The following TNFAIP8 variants were observed in gnomAD, a reference collection of about 807,000 sequenced individuals.
TNFAIP8 encodes the protein tumor necrosis factor alpha-induced protein 8.
TNFAIP8 carries 7 observed loss-of-function variants against 13.3 expected under a neutral mutation model. The observed-to-expected ratio is 0.52, with a 90% CI of 0.30 to 0.99. TNFAIP8 has a LOEUF of 0.99. Ranked by LOEUF, TNFAIP8 falls within the 50% of genes least tolerant of loss-of-function variation. The probability of loss-of-function intolerance (pLI) is 0.07; values close to 1 mark genes in which losing one functional copy is unlikely to be tolerated. For missense variants in TNFAIP8, 258 were observed against 236.9 expected, an observed-to-expected ratio of 1.09 and a Z score of -0.58; for synonymous variants, 94 against 87.6, an observed-to-expected ratio of 1.07 and a Z score of -0.41.
chr5:119,294,429 C>T (rs997321936), intron 1 of TNFAIP8, among the ~76,000 whole-genome samples: 57 of 152,290 alleles, frequency 3.7e-4, no homozygotes, highest in African/African-American at 1.3e-3. Flanking sequence ...GCCACATTTT[C>T]TTAATCCAGT....
At chr5:119,343,101 CATCTT>C (rs1186026663) in intron 1 of TNFAIP8, among the ~76,000 whole-genome samples, 1 of 152,174 alleles carries the variant, frequency 6.6e-6, no homozygotes, top group African/African-American at 2.4e-5. Flanking sequence ...TTGTTCAATC[CATCTT>C]ATTAATAGTT....
chr5:119,346,162 C>G (rs1750894602), intron 1 of TNFAIP8, among the ~76,000 whole-genome samples: 1 of 152,164 alleles, frequency 6.6e-6, no homozygotes. Flanking sequence ...GAAATCTACC[C>G]TCTAAGATGC....
intron 1 of TNFAIP8, among the ~76,000 whole-genome samples, chr5:119,323,216 A>C (rs1266017153): frequency 6.6e-6 from 1 of 152,186 alleles, no homozygotes; most frequent in African/African-American, 2.4e-5. Flanking sequence ...TTGGCCTCAT[A>C]AAATGTCCAT....
intron 1 of TNFAIP8, among the ~76,000 whole-genome samples, chr5:119,332,396 C>T (rs1345155546): frequency 6.6e-6 from 1 of 152,012 alleles, no homozygotes; most frequent in Non-Finnish European, 1.5e-5. Context: ...GTATACACAA[C>T]CAGAAGGTGG....
chr5:119,307,476 A>G (rs1202151490), intron 1 of TNFAIP8, among the ~76,000 whole-genome samples: 8 of 152,216 alleles, frequency 5.3e-5, no homozygotes, highest in Non-Finnish European at 8.8e-5. Context: ...GAAAGAACCA[A>G]ACACACAAAT....
intron 1 of TNFAIP8, among the ~76,000 whole-genome samples, chr5:119,390,681 G>C (rs1278527499): frequency 6.6e-6 from 1 of 152,150 alleles, no homozygotes; most frequent in African/African-American, 2.4e-5. Flanking sequence ...CATTCTTTGA[G>C]TGGATGTATG....
chr5:119,293,424 A>G (rs1028090563), intron 1 of TNFAIP8, among the ~76,000 whole-genome samples: 1 of 152,132 alleles, frequency 6.6e-6, no homozygotes, highest in Admixed American at 6.5e-5. Flanking sequence ...TTTACTACAC[A>G]TACGAGTGAG....
At chr5:119,283,460 TG>T (rs1333640156) in intron 1 of TNFAIP8, among the ~76,000 whole-genome samples, 5 of 152,132 alleles carry the variant, frequency 3.3e-5, no homozygotes, top group African/African-American at 1.2e-4. Context: ...AGCAAGACCC[TG>T]TTTGTATTAA....
chr5:119,358,648 T>G (rs1751524810), intron 1 of TNFAIP8, among the ~76,000 whole-genome samples: 2 of 152,190 alleles, frequency 1.3e-5, no homozygotes, highest in African/African-American at 4.8e-5. Flanking sequence ...ATATCAACAG[T>G]TTCCAGTGGA....
intron 1 of TNFAIP8, among the ~76,000 whole-genome samples, chr5:119,282,024 C>G (rs959239095): frequency 1.3e-5 from 2 of 152,182 alleles, no homozygotes; most frequent in Non-Finnish European, 2.9e-5. Context: ...TGATGATGAT[C>G]TCAATGTTTT....
intron 1 of TNFAIP8, among the ~76,000 whole-genome samples, chr5:119,373,231 C>T (rs1752154167): frequency 6.6e-6 from 1 of 152,140 alleles, no homozygotes; most frequent in South Asian, 2.1e-4. Context: ...TGGGATAGCT[C>T]TTGTTAGTAC....
At chr5:119,379,321 A>G (rs1053953158) in intron 1 of TNFAIP8, among the ~76,000 whole-genome samples, 1 of 152,174 alleles carries the variant, frequency 6.6e-6, no homozygotes. Flanking sequence ...AAAGGCATGT[A>G]CCTGTACCTT....
At chr5:119,385,186 T>C (rs1231076470) in intron 1 of TNFAIP8, among the ~76,000 whole-genome samples, 2 of 152,342 alleles carry the variant, frequency 1.3e-5, no homozygotes, top group East Asian at 3.9e-4. Flanking sequence ...ACCTCCAGTG[T>C]AGAAGATGAG....
rs1753076057 is a variant in TNFAIP8 at position 119,396,494 on chromosome 5, TGACAAG to T, written c.*3115_*3120del. 6.6e-6 allele frequency: 1 copy of T among 152,134 alleles called. No homozygotes were observed. Among genetic ancestry groups the T allele is most frequent in the African/African-American group, 2.4e-5 (1 of 41,422 alleles). The allele number at this position is 152,134 out of a possible 1,614,324, so 9.4% of individuals were successfully genotyped here. On this transcript the variant is annotated 3_prime_UTR_variant, in exon 2 of 2. Transcript: ENST00000504771. Reference sequence around the variant, plus strand: ...CCCTAGCAGTGGTGGGTTCAGAGCATGACAAGGCACTCAATGTGCATTCACCAAGAG... The same window carrying T: ...CCCTAGCAGTGGTGGGTTCAGAGCATGCACTCAATGTGCATTCACCAAGAG...
At chr5:119,355,514 A>G (rs1751357498), upstream of TNFAIP8, 2 of 588,746 alleles carry the variant, frequency 3.4e-6, no homozygotes, top group Non-Finnish European at 6.1e-6. Flanking sequence ...TCCTACAAAA[A>G]TAACATACCA....
intron 1 of TNFAIP8, among the ~76,000 whole-genome samples, chr5:119,281,455 C>T (rs957939231): frequency 7.9e-5 from 12 of 152,142 alleles, no homozygotes; most frequent in Non-Finnish European, 1.5e-5. Context: ...TCCTTTTCTT[C>T]CACACTTAGA....
intron 1 of TNFAIP8, chr5:119,391,276 T>TA: frequency 1.5e-6 from 1 of 656,180 alleles, no homozygotes; most frequent in Non-Finnish European, 2.8e-6. Context: ...TAATCTTATA[T>TA]AATCATTGAT....
chr5:119,387,647 A>G (rs1752732006), intron 1 of TNFAIP8, among the ~76,000 whole-genome samples: 1 of 152,144 alleles, frequency 6.6e-6, no homozygotes, highest in Admixed American at 6.5e-5. Context: ...TTTCTTGAAT[A>G]TTTGGGTCAG....
chr5:119,311,254 G>A lies in TNFAIP8; in HGVS notation c.1+42347G>A, dbSNP rs187108205. On this transcript the variant is annotated intron_variant, in intron 1 of 1. Transcript: ENST00000274456. Reference sequence around the variant, plus strand: ...GCCCAAGCTGGTCTTGAACCCTTGGGCTCAAGTGATCTTCCTGCCTTGGCC... The same window carrying A: ...GCCCAAGCTGGTCTTGAACCCTTGGACTCAAGTGATCTTCCTGCCTTGGCC... Among the ~76,000 whole-genome samples, 199 of 152,188 alleles carry A rather than the reference G, an allele frequency of 1.3e-3. 1 individual carries two copies. Among genetic ancestry groups the A allele is most frequent in the African/African-American group, 4.6e-3 (192 of 41,548 alleles).
Sources: gnomAD v4.1 joint callset for allele counts (sites outside exome capture counted in the v4.1 genomes callset) on GRCh38, gnomAD v4.1.1 for gene constraint, MANE v1.5 for transcripts, NCBI Gene and HGNC (gene_info 2026-07-23, HGNC 2026-07-21) for gene names.